The following LARP1B variants were observed in gnomAD, a reference collection of about 807,000 sequenced individuals.
LARP1B encodes the protein la-related protein 1B.
A neutral mutation model predicts 114.2 loss-of-function variants in LARP1B; 76 were observed. The observed-to-expected ratio is 0.67, with a 90% confidence interval of 0.55 to 0.81. LARP1B has a LOEUF of 0.81. Ranked by LOEUF, LARP1B falls within the 30% of genes least tolerant of loss-of-function variation. The pLI, the probability that LARP1B is intolerant of heterozygous loss-of-function variation, is 0.00. For missense variants in LARP1B, 1,014 were observed against 1,075.8 expected, an observed-to-expected ratio of 0.94 and a Z score of 0.80; for synonymous variants, 345 against 348.0, an observed-to-expected ratio of 0.99 and a Z score of 0.10.
At chr4:128,099,133 C>T (rs1580347162) in intron 8 of LARP1B, among the ~76,000 whole-genome samples, 1 of 151,620 alleles carries the variant, frequency 6.6e-6, no homozygotes, top group East Asian at 1.9e-4. Context: ...CATGGTGGCT[C>T]ATGCCTGTAA....
chr4:128,093,963 A>C (rs1776852820), intron 7 of LARP1B, among the ~76,000 whole-genome samples: 1 of 151,644 alleles, frequency 6.6e-6, no homozygotes, highest in Admixed American at 6.6e-5. Context: ...CACCCACATC[A>C]GCTTCCCAGA....
chr4:128,178,485 C>T lies in LARP1B; in HGVS notation c.1739C>T (p.Ala580Val), dbSNP rs1041255360. 2 of 1,613,978 alleles carry T rather than the reference C, an allele frequency of 1.2e-6. No homozygotes were observed. Residue 580 changes from alanine (A) to valine (V), a missense_variant, in exon 14 of 20, where the codon GCA (alanine) becomes GTA (valine). Ala to Val is a moderately conservative substitution (Grantham distance 64). Coordinates refer to ENST00000326639, the MANE Select transcript of LARP1B (RefSeq NM_018078.4). The part of the protein sequence containing the change: ...KLFDVSEITS[A>V]AMVHSLPTAV... ...TTTGATGTTTCAGAAATAACTTCAG[C>T]AGCAATGGTTCATTCGTTGCCTACA...
chr4:128,148,977 A>G (rs947702112), intron 11 of LARP1B, among the ~76,000 whole-genome samples: 1 of 152,170 alleles, frequency 6.6e-6, no homozygotes, highest in African/African-American at 2.4e-5. Flanking sequence ...TTATTTCCCT[A>G]TGCTTTTCAA....
chr4:128,139,829 G>A (rs1004492873), intron 11 of LARP1B, among the ~76,000 whole-genome samples: 1 of 152,076 alleles, frequency 6.6e-6, no homozygotes, highest in Non-Finnish European at 1.5e-5. Context: ...GCAATGTTAA[G>A]ACATCAGATG....
In LARP1B at chr4:128,210,112, CTT is replaced by C. The variant is rs1461973888; in HGVS notation, c.*60_*61del. On this transcript the variant is annotated 3_prime_UTR_variant, in exon 20 of 20. Coordinates refer to ENST00000326639, the MANE Select transcript of LARP1B (RefSeq NM_018078.4). ...TGGTGAAATGCCTGAGAAATAGACTCTTATGAAAGTTCTTTGTCCTTGAAGTC... is the reference window on the plus strand; with the variant it reads ...TGGTGAAATGCCTGAGAAATAGACTCATGAAAGTTCTTTGTCCTTGAAGTC... The C allele has an allele frequency of 1.2e-6, 2 of 1,606,850 alleles. No individual in the cohort carries two copies. Among genetic ancestry groups the C allele is most frequent in the Non-Finnish European group, 1.7e-6 (2 of 1,175,296 alleles).
At chr4:128,072,729 G>GT (rs1253764079) in intron 1 of LARP1B, among the ~76,000 whole-genome samples, 3 of 151,658 alleles carry the variant, frequency 2.0e-5, no homozygotes, top group Admixed American at 6.6e-5. Flanking sequence ...GTTAATTTTT[G>GT]TTTTTTTAGT....
rs112607954 is a variant in LARP1B, at chr4:128,129,121, C to T, written c.1524+6933C>T. Among the ~76,000 whole-genome samples the T allele has an allele frequency of 5.4e-3, 738 of 137,148 alleles. 7 individuals carry two copies. Among genetic ancestry groups the T allele is most frequent in the African/African-American group, 0.019 (705 of 36,268 alleles). 90.0% of individuals were successfully genotyped at this position (137,148 alleles called of 152,430 possible). A position where few individuals can be genotyped will look rare whatever the true frequency, so the allele number is the denominator to read the frequency against. On this transcript the variant is annotated intron_variant, in intron 11 of 19. Transcript: ENST00000326639. The stretch of plus-strand genomic sequence containing the variant: ...CGGAGCTTGCAGTGAGCCAAGATCG[C>T]GCCACTGCTCTCCATCCTGGGCGAC...
chr4:128,178,208 C>A (rs1250052843), intron 13 of LARP1B, among the ~76,000 whole-genome samples: 1 of 150,948 alleles, frequency 6.6e-6, no homozygotes, highest in Non-Finnish European at 1.5e-5. Context: ...GAAGCTTCAC[C>A]CTTTCTTTAA....
At chr4:128,081,833 C>T (rs567285587) in intron 4 of LARP1B, among the ~76,000 whole-genome samples, 2 of 152,188 alleles carry the variant, frequency 1.3e-5, no homozygotes, top group Non-Finnish European at 2.9e-5. Flanking sequence ...TTCCCAGGCT[C>T]AAGCTATTCT....
At chr4:128,085,231 T>C (rs1772959579) in intron 5 of LARP1B, among the ~76,000 whole-genome samples, 1 of 152,172 alleles carries the variant, frequency 6.6e-6, no homozygotes, top group African/African-American at 2.4e-5. Flanking sequence ...ATTTTTAAGT[T>C]TCTTCAGCTT....
chr4:128,081,701 T>A (rs1222027001), intron 4 of LARP1B, among the ~76,000 whole-genome samples: 3 of 152,168 alleles, frequency 2.0e-5, no homozygotes, highest in Non-Finnish European at 4.4e-5. Context: ...ACAGTTAAAT[T>A]TACAAGGGGA....
chr4:128,127,574 C>T (rs1191665820), intron 11 of LARP1B, among the ~76,000 whole-genome samples: 1 of 152,228 alleles, frequency 6.6e-6, no homozygotes, highest in African/African-American at 2.4e-5. Flanking sequence ...TGGCTCACGC[C>T]TGTAATCCCA....
In LARP1B at chr4:128,091,015, A is replaced by C; in HGVS notation, c.373A>C (p.Arg125=). Residue 125 remains arginine (R), a synonymous_variant, in exon 6 of 20, where the codon AGA becomes CGA. Coordinates refer to ENST00000326639, the MANE Select transcript of LARP1B (RefSeq NM_018078.4). ...RNDTRSWKRD[R]EKRDDQDDVS... ...ATTTTTAAAAGGTTGGAAGCGAGAT[A>C]GAGAAAAAAGGGATGATCAAGATGA... 1 of 1,609,166 alleles carries C rather than the reference A, an allele frequency of 6.2e-7. No homozygotes were observed. The highest frequency in any genetic ancestry group is 1.7e-5 in the Admixed American group (1 of 59,784).
intron 5 of LARP1B, among the ~76,000 whole-genome samples, chr4:128,084,846 A>G (rs1004716596): frequency 2.0e-5 from 3 of 151,978 alleles, no homozygotes; most frequent in South Asian, 2.1e-4. Flanking sequence ...TGATTACAAC[A>G]TTGATTATTA....
At chr4:128,159,560 C>T (rs922226308) in intron 11 of LARP1B, among the ~76,000 whole-genome samples, 2 of 152,196 alleles carry the variant, frequency 1.3e-5, no homozygotes, top group African/African-American at 4.8e-5. Context: ...CCTACACAAG[C>T]ATAGCCTCCC....
At chr4:128,104,358 T>C (rs911695415) in intron 8 of LARP1B, among the ~76,000 whole-genome samples, 4 of 152,214 alleles carry the variant, frequency 2.6e-5, no homozygotes, top group Non-Finnish European at 4.4e-5. Context: ...GATTTATTCA[T>C]ATTGGTGTAT....
At chr4:128,114,473 A>G (rs1785140016) in intron 9 of LARP1B, 97 bp from the exon 10 acceptor site, 1 of 904,916 alleles carries the variant, frequency 1.1e-6, no homozygotes, top group African/African-American at 1.7e-5. Context: ...GTTTTTGTGA[A>G]AAAATATCAA....
intron 11 of LARP1B, among the ~76,000 whole-genome samples, chr4:128,152,898 TTTGTTTTTTAA>T (rs1259443969): frequency 1.3e-5 from 2 of 151,994 alleles, no homozygotes; most frequent in African/African-American, 2.4e-5. Flanking sequence ...CTTTTTTACT[TTTGTTTTTTAA>T]TTGTGATAAA....
chr4:128,162,364 G>A, intron 12 of LARP1B, 47 bp downstream of exon 12: 3 of 1,485,142 alleles, frequency 2.0e-6, no homozygotes, highest in Non-Finnish European at 2.7e-6. Context: ...TATTAAAGCA[G>A]TTCTGAATTG....
Sources: allele counts gnomAD v4.1 joint callset (sites outside exome capture counted in the v4.1 genomes callset), GRCh38; gene constraint gnomAD v4.1.1; transcripts MANE v1.5; gene names NCBI Gene and HGNC (gene_info 2026-07-23, HGNC 2026-07-21).